The following ARK2C variants were observed in gnomAD, a reference collection of about 807,000 sequenced individuals.
ARK2C encodes the protein E3 ubiquitin-protein ligase ARK2C.
chr18:46,382,006 C>G, the ARK2C span, among the ~76,000 whole-genome samples: 12 of 152,192 alleles, frequency 7.9e-5, no homozygotes, highest in Non-Finnish European at 2.9e-5. Context: ...TCTGCAGGAG[C>G]CCCACAGCAG....
the ARK2C span, among the ~76,000 whole-genome samples, chr18:46,391,901 C>T: frequency 2.6e-5 from 4 of 151,916 alleles, no homozygotes; most frequent in African/African-American, 9.7e-5. Context: ...ACATACTACA[C>T]ACACCAACAC....
At chr18:46,422,593 G>C in the ARK2C span, among the ~76,000 whole-genome samples, 2 of 152,238 alleles carry the variant, frequency 1.3e-5, no homozygotes, top group Non-Finnish European at 2.9e-5. Context: ...TTACTGCCAT[G>C]CTTCTTCCCC....
the ARK2C span, among the ~76,000 whole-genome samples, chr18:46,442,019 C>T: frequency 2.5e-4 from 38 of 151,018 alleles, no homozygotes; most frequent in African/African-American, 5.8e-4. Flanking sequence ...AAAAATTAGC[C>T]GGGCATGGTG....
At chr18:46,382,077 C>T in the ARK2C span, among the ~76,000 whole-genome samples, 2 of 152,178 alleles carry the variant, frequency 1.3e-5, no homozygotes, top group African/African-American at 4.8e-5. Flanking sequence ...TCAGCCTGGG[C>T]ATCTGTAGAG....
At chr18:46,342,000 G>C in the ARK2C span, among the ~76,000 whole-genome samples, 1 of 152,198 alleles carries the variant, frequency 6.6e-6, no homozygotes, top group Non-Finnish European at 1.5e-5. Context: ...AGAGGGCAGG[G>C]AGTAGGGACT....
chr18:46,338,599 AG>A, the ARK2C span, among the ~76,000 whole-genome samples: 34 of 152,166 alleles, frequency 2.2e-4, 1 homozygote, highest in Admixed American at 2.2e-3. Context: ...AGTTGAAAAA[AG>A]AACCCTTAAA....
At chr18:46,417,177 C>T in the ARK2C span, among the ~76,000 whole-genome samples, 1 of 152,202 alleles carries the variant, frequency 6.6e-6, no homozygotes, top group Non-Finnish European at 1.5e-5. Flanking sequence ...TTTCACCTTC[C>T]CCCGATTGCC....
chr18:46,417,593 AC>A, the ARK2C span, among the ~76,000 whole-genome samples: 10 of 151,350 alleles, frequency 6.6e-5, no homozygotes, highest in Non-Finnish European at 1.0e-4. Context: ...TTAAAATGGA[AC>A]CCCCCCAACC....
At chr18:46,435,447 G>A in the ARK2C span, 1 of 1,384,196 alleles carries the variant, frequency 7.2e-7, no homozygotes, top group Non-Finnish European at 1.0e-6. Flanking sequence ...AGGGAGGAGG[G>A]AGGTCTTGCC....
chr18:46,380,870 C>T, the ARK2C span, among the ~76,000 whole-genome samples: 62,886 of 152,104 alleles, frequency 0.41, 13,256 homozygotes, highest in Middle Eastern at 0.55. Flanking sequence ...TTCCTTCCCA[C>T]GTCTCAGCAC....
chr18:46,365,543 G>A, the ARK2C span, among the ~76,000 whole-genome samples: 92 of 152,090 alleles, frequency 6.0e-4, no homozygotes, highest in African/African-American at 2.0e-3. Context: ...TTGCTCTGTC[G>A]CCCAGCCTGG....
At chr18:46,334,060 G>A in the ARK2C span, 2 of 152,688 alleles carry the variant, frequency 1.3e-5, no homozygotes, top group African/African-American at 4.9e-5. This position sits in a 1 kb window ranked among gnomAD's most constrained non-coding sequence, Gnocchi z 4.4. Flanking sequence ...TGCGGCCCCA[G>A]CGCCTTTGAA....
chr18:46,433,431 G>A, the ARK2C span: 1 of 1,613,406 alleles, frequency 6.2e-7, no homozygotes, highest in East Asian at 2.2e-5. Flanking sequence ...TCCTACCTCA[G>A]GCCCTGCACC....
the ARK2C span, among the ~76,000 whole-genome samples, chr18:46,392,215 C>A: frequency 6.6e-6 from 1 of 152,178 alleles, no homozygotes; most frequent in Non-Finnish European, 1.5e-5. Flanking sequence ...CCAACTCATC[C>A]CCATCCTGTT....
chr18:46,419,283 T>C, the ARK2C span, among the ~76,000 whole-genome samples: 1 of 152,062 alleles, frequency 6.6e-6, no homozygotes, highest in African/African-American at 2.4e-5. Flanking sequence ...TTCAAGGAAA[T>C]CATTGAGCCA....
the ARK2C span, among the ~76,000 whole-genome samples, chr18:46,354,333 C>A: frequency 1.3e-5 from 2 of 152,332 alleles, no homozygotes; most frequent in African/African-American, 2.4e-5. Context: ...CACCTCCCAG[C>A]ATTAGAGTGA....
the ARK2C span, among the ~76,000 whole-genome samples, chr18:46,379,132 G>T: frequency 6.6e-6 from 1 of 152,186 alleles, no homozygotes; most frequent in Non-Finnish European, 1.5e-5. Context: ...CCTGCTGGGA[G>T]CCCCCAGGCC....
chr18:46,459,318 G>A, the ARK2C span: 1 of 152,240 alleles, frequency 6.6e-6, no homozygotes, highest in Non-Finnish European at 1.5e-5. Flanking sequence ...ACAACCTAAG[G>A]AGGTTGGATT....
chr18:46,392,538 G>A, the ARK2C span, among the ~76,000 whole-genome samples: 23 of 149,528 alleles, frequency 1.5e-4, no homozygotes, highest in Admixed American at 6.7e-4. Flanking sequence ...TGTGGCCAGA[G>A]CCCCTGTCCT....
Sources: allele counts gnomAD v4.1 joint callset (sites outside exome capture counted in the v4.1 genomes callset), GRCh38; gene constraint gnomAD v4.1.1; non-coding constraint Gnocchi (gnomAD v3.1); transcripts MANE v1.5; gene names NCBI Gene and HGNC (gene_info 2026-07-23, HGNC 2026-07-21).